Variants in GPS2 observed in about 807,000 individuals in gnomAD.
GPS2 encodes GPS-2.
A neutral mutation model predicts 48.1 loss-of-function variants in GPS2; 22 were observed. That is an observed-to-expected ratio of 0.46 (90% confidence interval 0.33 to 0.65). GPS2 has a LOEUF of 0.65. GPS2 is among the 30% of genes least tolerant of loss of function. GPS2 has a pLI of 0.03. For synonymous variants in GPS2, 202 were observed against 142.5 expected, an observed-to-expected ratio of 1.42 and a Z score of -2.98; for missense variants, 366 against 406.8, an observed-to-expected ratio of 0.90 and a Z score of 0.86.
In GPS2 at chr17:7,313,016, T is replaced by G. The variant is rs770148413; in HGVS notation, c.900+13A>C. On this transcript the variant is annotated intron_variant, in intron 10 of 10. Transcript: ENST00000380728. Reference sequence around the variant, plus strand: ...TAGGGATTCTGACAGGTAAATTCTATTACCATTCTTACCTTTCCTGCTGGC... The same window carrying G: ...TAGGGATTCTGACAGGTAAATTCTAGTACCATTCTTACCTTTCCTGCTGGC... 6.5e-7 allele frequency: 1 copy of G among 1,538,378 alleles called. No individual in the cohort carries two copies. The highest frequency in any genetic ancestry group is 8.8e-7 in the Non-Finnish European group (1 of 1,138,312).
rs933300599 is a variant in GPS2 at position 7,314,684 on chromosome 17, C to T, written c.95-87G>A. 1.2e-5 allele frequency: 19 copies of T among 1,599,562 alleles called. No homozygotes were observed. In the African/African-American group the frequency reaches 1.5e-4, roughly 12 times the overall value. On this transcript the variant is annotated intron_variant, in intron 2 of 10. Coordinates refer to ENST00000380728, the MANE Select transcript of GPS2 (RefSeq NM_004489.5). The stretch of plus-strand genomic sequence containing the variant: ...TTGAAGACCAGCAAAACCCAGTCAT[C>T]CCAACACGCCTGTATGCTCTTTGCC...
At chr17:7,312,877 C>T (rs750891444) in intron 10 of GPS2, 38 bp from the exon 11 acceptor site, 1 of 1,576,210 alleles carries the variant, frequency 6.3e-7, no homozygotes, top group Non-Finnish European at 8.7e-7. Context: ...TGTCACTGGG[C>T]ATACTCTCCC....
Position 7,312,788 on chromosome 17 carries a change from G to A in GPS2, c.952C>T (p.His318Tyr), listed in dbSNP as rs2072876898. 4 of 1,614,116 alleles carry A rather than the reference G, an allele frequency of 2.5e-6. No homozygotes were observed. The highest frequency in any genetic ancestry group is 3.4e-6 in the Non-Finnish European group (4 of 1,179,970). Residue 318 changes from histidine to tyrosine, a missense_variant, in exon 11 of 11, where the codon CAC (histidine) becomes TAC (tyrosine). Coordinates refer to ENST00000380728, the MANE Select transcript of GPS2 (RefSeq NM_004489.5). ...TGGTAGAATCGCGGGTTCTGGCTGT[G>A]TTGGATGAAGGGGAGCCGAGGGCCA... ...QPGPRLPFIQ[H>Y]SQNPRFYHK
chr17:7,313,531 T>C (rs778551535), intron 7 of GPS2, 37 bp downstream of exon 7: 18 of 1,613,334 alleles, frequency 1.1e-5, no homozygotes, highest in African/African-American at 6.7e-5. Flanking sequence ...TCCTTTGACC[T>C]TGAGGAAGGC....
At chr17:7,314,450 A>G (rs2072910402) in intron 3 of GPS2, 38 bp downstream of exon 3, 1 of 1,614,006 alleles carries the variant, frequency 6.2e-7, no homozygotes, top group Admixed American at 1.7e-5. Flanking sequence ...GAGTCAAACG[A>G]AGAAATCAAA....
In GPS2 at chr17:7,312,664, T is replaced by G. The variant is rs1409094618; in HGVS notation, c.*92A>C. ...CACAAACAGCAGCAGCCAGGGGCAGTGGCAGGTAGATTTTATTGGCCTGGG... is the reference window on the plus strand; with the variant it reads ...CACAAACAGCAGCAGCCAGGGGCAGGGGCAGGTAGATTTTATTGGCCTGGG... On this transcript the variant is annotated 3_prime_UTR_variant, in exon 11 of 11. Transcript: ENST00000380728. 4.1e-5 allele frequency: 41 copies of G among 1,005,140 alleles called. No individual in the cohort carries two copies. In the East Asian group the frequency reaches 8.1e-4, roughly 20 times the overall value. 62.3% of individuals were successfully genotyped at this position (1,005,140 alleles called of 1,614,324 possible). A position where few individuals can be genotyped will look rare whatever the true frequency, so the allele number is the denominator to read the frequency against.
chr17:7,313,534 A>C, intron 7 of GPS2, 34 bp downstream of exon 7: 1 of 1,613,616 alleles, frequency 6.2e-7, no homozygotes, highest in Non-Finnish European at 8.5e-7. Context: ...TTTGACCTTG[A>C]GGAAGGCCAA....
At chr17:7,314,763 G>T (rs1317308650) in intron 2 of GPS2, 166 bp from the exon 3 acceptor site, 11 of 1,394,866 alleles carry the variant, frequency 7.9e-6, no homozygotes, top group Non-Finnish European at 8.9e-6. Flanking sequence ...GCTTTATCAG[G>T]TGCTCTCCAA....
chr17:7,314,460 A>G (rs1324964175), intron 3 of GPS2, 28 bp downstream of exon 3: 3 of 1,614,184 alleles, frequency 1.9e-6, no homozygotes, highest in Non-Finnish European at 2.5e-6. Context: ...AAGAAATCAA[A>G]GCTGGGAAAG....
In GPS2 at chr17:7,313,485, A is replaced by C. The variant is rs2072892249; in HGVS notation, c.635-16T>G. ...GCCGAAGGAGCTGAGAAAGGAAAAGACAGAGCCATTAAAATCTTTTACTGA... is the reference window on the plus strand; with the variant it reads ...GCCGAAGGAGCTGAGAAAGGAAAAGCCAGAGCCATTAAAATCTTTTACTGA... On this transcript the variant is annotated splice_polypyrimidine_tract_variant and intron_variant, in intron 7 of 10. Coordinates refer to ENST00000380728, the MANE Select transcript of GPS2 (RefSeq NM_004489.5). 1 of 1,613,892 alleles carries C rather than the reference A, an allele frequency of 6.2e-7. No individual in the cohort carries two copies. Among genetic ancestry groups the C allele is most frequent in the African/African-American group, 1.3e-5 (1 of 74,910 alleles).
Position 7,314,974 on chromosome 17 carries a change from C to T in GPS2, c.79G>A (p.Glu27Lys). The T allele has an allele frequency of 6.3e-7, 1 of 1,592,558 alleles. No homozygotes were observed. The highest frequency in any genetic ancestry group is 8.5e-7 in the Non-Finnish European group (1 of 1,170,210). The change falls in exon 2 of 11, where the codon GAG becomes AAG. Residue 27 changes from glutamate to lysine, a missense_variant. Transcript: ENST00000380728. ...ALHRHIMMER[E>K]RKRQEEEEVD... ...CCCGGCTCACCCTGCCGCTTGCGCTCCCGCTCCATCATAATGTGCCGGTGC... is the reference window on the plus strand; with the variant it reads ...CCCGGCTCACCCTGCCGCTTGCGCTTCCGCTCCATCATAATGTGCCGGTGC...
chr17:7,314,679 G>C lies in GPS2; in HGVS notation c.95-82C>G, dbSNP rs2072914139. ...ACAGATTGAAGACCAGCAAAACCCA[G>C]TCATCCCAACACGCCTGTATGCTCT... On this transcript the variant is annotated intron_variant, in intron 2 of 10. Transcript: ENST00000380728. 5 of 1,602,956 alleles carry C rather than the reference G, an allele frequency of 3.1e-6. No individual in the cohort carries two copies. In the Admixed American group the frequency reaches 8.4e-5, roughly 27 times the overall value.
chr17:7,313,590 A>G lies in GPS2; in HGVS notation c.612T>C (p.Tyr204=), dbSNP rs2072894311. The G allele has an allele frequency of 4.3e-6, 7 of 1,613,940 alleles. No homozygotes were observed. The highest frequency in any genetic ancestry group is 2.2e-5 in the South Asian group (2 of 91,070). Residue 204 remains tyrosine, a synonymous_variant, in exon 7 of 11, where the codon TAT becomes TAC. Coordinates refer to ENST00000380728, the MANE Select transcript of GPS2 (RefSeq NM_004489.5). ...PPHYGPTQPA[Y]SPSQQLRAPS... Reference sequence around the variant, plus strand: ...CACCTCTGAGCTGCTGACTAGGACTATAAGCTGGCTGTGTGGGCCCATAGT... The same window carrying G: ...CACCTCTGAGCTGCTGACTAGGACTGTAAGCTGGCTGTGTGGGCCCATAGT...
chr17:7,312,748 TCTG>T lies in GPS2; in HGVS notation c.*5_*7del, dbSNP rs1282153545. The T allele has an allele frequency of 1.9e-6, 3 of 1,609,998 alleles. No homozygotes were observed. Among genetic ancestry groups the T allele is most frequent in the Non-Finnish European group, 1.7e-6 (2 of 1,176,354 alleles). Reference sequence around the variant, plus strand: ...GGGGGGTGTGGTGTTGAAGATATAATCTGATGGTCACTTGTGGTAGAATCGCGG... The same window carrying T: ...GGGGGGTGTGGTGTTGAAGATATAATATGGTCACTTGTGGTAGAATCGCGG... On this transcript the variant is annotated 3_prime_UTR_variant, in exon 11 of 11. Transcript: ENST00000380728.
chr17:7,315,103 C>T lies in GPS2; in HGVS notation c.-51G>A, dbSNP rs753869459. Reference sequence around the variant, plus strand: ...TGGGCGCCCGGCTGTCTCTGACTGCCAGACCTCAGACGGGGCCTGCGGGGA... The same window carrying T: ...TGGGCGCCCGGCTGTCTCTGACTGCTAGACCTCAGACGGGGCCTGCGGGGA... On this transcript the variant is annotated 5_prime_UTR_variant, in exon 2 of 11. Coordinates refer to ENST00000380728, the MANE Select transcript of GPS2 (RefSeq NM_004489.5). 2.8e-6 allele frequency: 4 copies of T among 1,436,302 alleles called. No individual in the cohort carries two copies. Among genetic ancestry groups the T allele is most frequent in the African/African-American group, 2.9e-5 (2 of 68,386 alleles). 89.0% of individuals were successfully genotyped at this position (1,436,302 alleles called of 1,614,324 possible).
intron 10 of GPS2, 81 bp from the exon 11 acceptor site, chr17:7,312,920 A>G (rs1242449493): frequency 6.7e-7 from 1 of 1,496,888 alleles, no homozygotes; most frequent in Non-Finnish European, 9.3e-7. Flanking sequence ...AACCACCCCC[A>G]AAGAGGAAGG....
rs80305658 is a variant in GPS2, at chr17:7,314,021, A to G, written c.398-33T>C. On this transcript the variant is annotated intron_variant, in intron 5 of 10. Transcript: ENST00000380728. ...GGGAGAAGGGCTTCATGATGCTGAA[A>G]TGGGAGGCTGTGACCTCCAAGAAGG... 2,575 of 1,610,320 alleles carry G rather than the reference A, an allele frequency of 1.6e-3. 58 individuals carry two copies. In the East Asian group the frequency reaches 0.048, roughly 30 times the overall value.
intron 9 of GPS2, 22 bp from the exon 10 acceptor site, chr17:7,313,146 C>A: frequency 6.2e-7 from 1 of 1,608,600 alleles, no homozygotes; most frequent in Non-Finnish European, 8.5e-7. Context: ...AGAGTCAGGG[C>A]CTGAGGCATA....
intron 10 of GPS2, 62 bp from the exon 11 acceptor site, chr17:7,312,901 C>T (rs1037511334): frequency 3.3e-6 from 5 of 1,522,356 alleles, no homozygotes; most frequent in East Asian, 2.3e-5. Flanking sequence ...CACTTAATAC[C>T]CTACTGATAA....
Sources: allele counts gnomAD v4.1 joint callset, GRCh38; gene constraint gnomAD v4.1.1; transcripts MANE v1.5; gene names NCBI Gene and HGNC (gene_info 2026-07-23, HGNC 2026-07-21).